The following CEP128 variants were observed in gnomAD, a reference collection of about 807,000 sequenced individuals.
CEP128 encodes the protein centrosomal protein 128kDa.
A neutral mutation model predicts 156.7 loss-of-function variants in CEP128; 132 were observed. The ratio of observed to expected loss-of-function variants is 0.84; its 90% CI spans 0.73 to 0.97. CEP128 has a LOEUF of 0.97. Ranked by LOEUF, CEP128 falls within the 50% of genes least tolerant of loss-of-function variation. The pLI is 0.00. For synonymous variants in CEP128, 469 were observed against 448.9 expected, an observed-to-expected ratio of 1.04 and a Z score of -0.57; for missense variants, 1,252 against 1,281.9, an observed-to-expected ratio of 0.98 and a Z score of 0.36.
chr14:80,786,580 G>A (rs1028998731), intron 14 of CEP128, among the ~76,000 whole-genome samples: 1 of 152,180 alleles, frequency 6.6e-6, no homozygotes, highest in Non-Finnish European at 1.5e-5. Flanking sequence ...AACAAAAGGA[G>A]ATGAATAAGC....
At chr14:80,647,033 GCATGTA>G (rs1472577637) in intron 19 of CEP128, among the ~76,000 whole-genome samples, 4 of 68,784 alleles carry the variant, frequency 5.8e-5, no homozygotes, top group African/African-American at 9.6e-5. Context: ...ATATATGTGT[GCATGTA>G]TATATATATA....
intron 2 of CEP128, among the ~76,000 whole-genome samples, chr14:80,919,640 A>G (rs968087347): frequency 3.3e-5 from 5 of 152,174 alleles, no homozygotes; most frequent in African/African-American, 1.2e-4. Flanking sequence ...AAATATTAAT[A>G]AGTAAAGATA....
At chr14:80,711,849 C>G (rs1245172949) in intron 19 of CEP128, among the ~76,000 whole-genome samples, 2 of 151,568 alleles carry the variant, frequency 1.3e-5, no homozygotes, top group Non-Finnish European at 2.9e-5. Context: ...TACTATGTAC[C>G]TAAAAATTTT....
intron 9 of CEP128, among the ~76,000 whole-genome samples, chr14:80,857,830 T>C (rs2140142318): frequency 6.6e-6 from 1 of 151,744 alleles, no homozygotes; most frequent in African/African-American, 2.4e-5. Flanking sequence ...AAAGATAATA[T>C]TAAAAGAATA....
In CEP128 at chr14:80,687,751, A is replaced by G. The variant is rs115590010; in HGVS notation, c.2806+55324T>C. On this transcript the variant is annotated intron_variant, in intron 19 of 24. Coordinates refer to ENST00000555265, the MANE Select transcript of CEP128 (RefSeq NM_152446.5). The stretch of plus-strand genomic sequence containing the variant: ...AAAATAAAATTTAAAAGAAAAAATA[A>G]CCAGTCAGAAGTCGAAAAGGTAATA... Among the ~76,000 whole-genome samples the G allele has an allele frequency of 2.6e-3, 403 of 152,290 alleles. 2 individuals are homozygous for G. Among genetic ancestry groups the G allele is most frequent in the African/African-American group, 9.2e-3 (381 of 41,586 alleles).
intron 19 of CEP128, among the ~76,000 whole-genome samples, chr14:80,667,378 A>G (rs886325347): frequency 2.0e-5 from 3 of 152,242 alleles, no homozygotes; most frequent in Admixed American, 6.5e-5. Flanking sequence ...AGAGTCAACT[A>G]TAAAAAATGA....
intron 2 of CEP128, among the ~76,000 whole-genome samples, chr14:80,918,684 A>G (rs1884691988): frequency 6.6e-6 from 1 of 152,210 alleles, no homozygotes; most frequent in African/African-American, 2.4e-5. Flanking sequence ...AAAAGTGCTA[A>G]AGAGAGCAGG....
chr14:80,777,762 G>A, intron 16 of CEP128, 120 bp downstream of exon 16: 1 of 729,024 alleles, frequency 1.4e-6, no homozygotes, highest in Non-Finnish European at 2.2e-6. Flanking sequence ...TTTTTGGGGG[G>A]CACCAATACA....
In CEP128 at chr14:80,926,417, C is replaced by G. The variant is rs139688687; in HGVS notation, c.-15-9855G>C. 6.4e-3 allele frequency among the ~76,000 whole-genome samples: 970 copies of G among 152,286 alleles called. 7 individuals carry two copies. Among genetic ancestry groups the G allele is most frequent in the Non-Finnish European group, 9.1e-3 (622 of 68,016 alleles). On this transcript the variant is annotated intron_variant, in intron 2 of 24. Coordinates refer to ENST00000555265, the MANE Select transcript of CEP128 (RefSeq NM_152446.5). ...TCCCCTTGTGGATTCTTCTGTGCAG[C>G]AGACGTAGCTGTGCTCCTCCCTGGA...
rs563951209 is a variant in CEP128 at position 80,511,273 on chromosome 14, C to T, written c.3073-6253G>A. Among the ~76,000 whole-genome samples the T allele has an allele frequency of 2.6e-5, 4 of 151,848 alleles. No homozygotes were observed. The South Asian group carries it at 6.2e-4, about 24-fold the overall frequency. ...GCTGGGAACCTTTTTATCATGGCTT[C>T]GATCTCATTACTTGTTATTGGCCTA... On this transcript the variant is annotated intron_variant, in intron 23 of 24. Coordinates refer to ENST00000555265, the MANE Select transcript of CEP128 (RefSeq NM_152446.5).
rs987631186 is a variant in CEP128 at position 80,806,762 on chromosome 14, T to C, written c.1210-13652A>G. On this transcript the variant is annotated intron_variant, in intron 13 of 24. Coordinates refer to ENST00000555265, the MANE Select transcript of CEP128 (RefSeq NM_152446.5). ...CACCTATATCTCACCAATATTAATG[T>C]GGCAGCAGAGAAGACTAAGAGAAAT... 1.3e-5 allele frequency among the ~76,000 whole-genome samples: 2 copies of C among 151,774 alleles called. 1 individual carries two copies. Among genetic ancestry groups the C allele is most frequent in the South Asian group, 4.2e-4 (2 of 4,790 alleles).
intron 7 of CEP128, among the ~76,000 whole-genome samples, chr14:80,899,185 G>T (rs2139413469): frequency 6.6e-6 from 1 of 152,210 alleles, no homozygotes; most frequent in East Asian, 1.9e-4. Flanking sequence ...TTATAGTTTT[G>T]ACTATCTTTG....
intron 8 of CEP128, among the ~76,000 whole-genome samples, chr14:80,871,428 TG>T (rs1595526439): frequency 6.6e-6 from 1 of 152,004 alleles, no homozygotes; most frequent in African/African-American, 2.4e-5. Context: ...TGTAATGGAT[TG>T]GAAGTATGGT....
Position 80,937,588 on chromosome 14 carries a change from A to G in CEP128, c.-16+1797T>C, listed in dbSNP as rs564714223. 1.2e-4 allele frequency among the ~76,000 whole-genome samples: 19 copies of G among 152,262 alleles called. No homozygotes were observed. In the South Asian group the frequency reaches 3.7e-3, roughly 30 times the overall value. ...TAAATCCACTGGATAAGCATACAAT[A>G]AATGTATCTAATCACTGGGATACTA... On this transcript the variant is annotated intron_variant, in intron 2 of 24. Transcript: ENST00000555265.
At chr14:80,805,247 T>C (rs751727434) in intron 13 of CEP128, among the ~76,000 whole-genome samples, 4 of 152,052 alleles carry the variant, frequency 2.6e-5, no homozygotes, top group Non-Finnish European at 2.9e-5. Flanking sequence ...GTTTAGAGAT[T>C]TGGAATGTGG....
intron 20 of CEP128, 48 bp downstream of exon 20, chr14:80,580,326 A>G (rs756170029): frequency 1.6e-6 from 2 of 1,266,400 alleles, no homozygotes; most frequent in South Asian, 1.3e-5. Flanking sequence ...AAAGAGTAAA[A>G]AACAAATGTT....
At chr14:80,935,978 A>G (rs1885785243) in intron 2 of CEP128, among the ~76,000 whole-genome samples, 1 of 152,182 alleles carries the variant, frequency 6.6e-6, no homozygotes, top group African/African-American at 2.4e-5. Context: ...TTACACACAG[A>G]CATCTCTATT....
intron 19 of CEP128, among the ~76,000 whole-genome samples, chr14:80,582,121 C>T (rs919689514): frequency 5.9e-5 from 9 of 152,134 alleles, no homozygotes; most frequent in African/African-American, 1.9e-4. Flanking sequence ...CTGCAGGTTG[C>T]CCCAGCTGCC....
intron 23 of CEP128, among the ~76,000 whole-genome samples, chr14:80,511,162 GA>G (rs776521294): frequency 2.0e-5 from 3 of 150,576 alleles, no homozygotes; most frequent in Non-Finnish European, 4.4e-5. Flanking sequence ...TCTATTCTTT[GA>G]AATAGGTTGA....
Sources: gnomAD v4.1 joint callset for allele counts (sites outside exome capture counted in the v4.1 genomes callset) on GRCh38, gnomAD v4.1.1 for gene constraint, MANE v1.5 for transcripts, NCBI Gene and HGNC (gene_info 2026-07-23, HGNC 2026-07-21) for gene names.